WWOX: variants seen among roughly 807,000 people sequenced by gnomAD.
WWOX encodes the protein WW domain-containing oxidoreductase.
Under a neutral mutation model 46.2 loss-of-function variants are expected in WWOX, and 69 were observed. The observed-to-expected ratio is 1.49, with a 90% CI of 1.23 to 1.82. WWOX has a LOEUF of 1.82. Ranked by LOEUF, WWOX falls within the 40% of genes most tolerant of loss-of-function variation. The pLI, the probability that WWOX is intolerant of heterozygous loss-of-function variation, is 0.00. For synonymous variants in WWOX, 359 were observed against 202.6 expected (o/e 1.77, Z -6.56); for missense variants, 919 against 542.6 (o/e 1.69, Z -6.89).
At chr16:78,589,154 G>T (rs542900701) in intron 8 of WWOX, among the ~76,000 whole-genome samples, 5 of 152,288 alleles carry the variant, frequency 3.3e-5, no homozygotes, top group South Asian at 2.1e-4. Context: ...TAGTATTTCT[G>T]TTGGGATCCG....
At chr16:79,182,254 G>A (rs2050927105) in intron 8 of WWOX, among the ~76,000 whole-genome samples, 1 of 151,972 alleles carries the variant, frequency 6.6e-6, no homozygotes, top group African/African-American at 2.4e-5. Context: ...TCTTTGTACT[G>A]CACACTGTAG....
At chr16:78,871,988 C>T (rs561784519) in intron 8 of WWOX, among the ~76,000 whole-genome samples, 1 of 152,338 alleles carries the variant, frequency 6.6e-6, no homozygotes, top group South Asian at 2.1e-4. Flanking sequence ...CAGACCCTCT[C>T]AGATGCCACT....
At chr16:78,780,496 A>C (rs2050298400) in intron 8 of WWOX, 1 of 152,238 alleles carries the variant, frequency 6.6e-6, no homozygotes, top group African/African-American at 2.4e-5. Flanking sequence ...ATGCGGGGGA[A>C]GAAGACAATA....
intron 5 of WWOX, among the ~76,000 whole-genome samples, chr16:78,372,528 C>A (rs2081717096): frequency 6.6e-6 from 1 of 152,140 alleles, no homozygotes; most frequent in South Asian, 2.1e-4. Context: ...CATTCTTTAT[C>A]CAGGTCTGAA....
chr16:78,927,461 A>T (rs2151276674), intron 8 of WWOX, among the ~76,000 whole-genome samples: 1 of 152,266 alleles, frequency 6.6e-6, no homozygotes. Flanking sequence ...TGTGGGTAAA[A>T]GTTCTCTTTT....
In WWOX at chr16:78,165,121, G is replaced by C. The variant is rs531309799; in HGVS notation, c.516+832G>C. ...GGAGTGGGTAGGAGAGGTGCTGTTG[G>C]GGGATGGGTATCTGGTAGACTCTGA... On this transcript the variant is annotated intron_variant, in intron 5 of 8. Coordinates refer to ENST00000566780, the MANE Select transcript of WWOX (RefSeq NM_016373.4). Among the ~76,000 whole-genome samples the C allele has an allele frequency of 4.3e-4, 65 of 152,336 alleles. 1 individual carries two copies. The highest frequency in any genetic ancestry group is 3.4e-3 in the Middle Eastern group (1 of 294).
rs1490373810 is a variant in WWOX, at chr16:78,459,585, C to T, written c.1056+26833C>T. Among the ~76,000 whole-genome samples the T allele has an allele frequency of 5.9e-5, 9 of 152,276 alleles. No individual in the cohort carries two copies. The East Asian group carries it at 1.7e-3, about 29-fold the overall frequency. On this transcript the variant is annotated intron_variant, in intron 8 of 8. Coordinates refer to ENST00000566780, the MANE Select transcript of WWOX (RefSeq NM_016373.4). Reference sequence around the variant, plus strand: ...TATGGCTTAATTGTAAGCGATCAGGCATCAATGGCTTTTTATGAGGCAAAA... The same window carrying T: ...TATGGCTTAATTGTAAGCGATCAGGTATCAATGGCTTTTTATGAGGCAAAA...
chr16:78,234,901 TTTCTTCAC>T (rs145476068), intron 5 of WWOX, among the ~76,000 whole-genome samples: 2,117 of 152,074 alleles, frequency 0.014, 52 homozygotes, highest in African/African-American at 0.049. Context: ...GGAGATGCAG[TTTCTTCAC>T]TTTTCTTTTT....
At chr16:78,862,423 AAT>A (rs1430247628) in intron 8 of WWOX, among the ~76,000 whole-genome samples, 1 of 151,754 alleles carries the variant, frequency 6.6e-6, no homozygotes, top group East Asian at 1.9e-4. Context: ...ACTGTGTACT[AAT>A]ACAGTGTATA....
chr16:78,384,250 C>G (rs768834415), intron 5 of WWOX, among the ~76,000 whole-genome samples: 7 of 152,124 alleles, frequency 4.6e-5, no homozygotes, highest in Non-Finnish European at 1.0e-4. Context: ...GTGATACATT[C>G]ACATTTCTGT....
At chr16:79,151,988 C>T (rs888741238) in intron 8 of WWOX, among the ~76,000 whole-genome samples, 2 of 152,132 alleles carry the variant, frequency 1.3e-5, no homozygotes, top group Non-Finnish European at 2.9e-5. Context: ...GTCTCTGTTA[C>T]GAAGGGGGAA....
intron 8 of WWOX, among the ~76,000 whole-genome samples, chr16:78,777,186 C>G (rs1001221312): frequency 7.2e-5 from 11 of 151,900 alleles, no homozygotes; most frequent in African/African-American, 2.7e-4. Flanking sequence ...ATTTCAATGG[C>G]TGTATTTCAG....
At chr16:78,620,302 G>T (rs1018590710) in intron 8 of WWOX, among the ~76,000 whole-genome samples, 1 of 152,210 alleles carries the variant, frequency 6.6e-6, no homozygotes, top group African/African-American at 2.4e-5. Flanking sequence ...TTTCTGCTAA[G>T]AACCTGCTGA....
intron 8 of WWOX, among the ~76,000 whole-genome samples, chr16:79,192,482 T>A (rs2051156362): frequency 6.6e-6 from 1 of 152,206 alleles, no homozygotes; most frequent in Non-Finnish European, 1.5e-5. Context: ...TTTAGCCTCA[T>A]CTCGTTAGTG....
At chr16:78,781,675 T>G (rs539530881) in intron 8 of WWOX, among the ~76,000 whole-genome samples, 48 of 152,234 alleles carry the variant, frequency 3.2e-4, no homozygotes, top group African/African-American at 1.2e-3. Context: ...TAATCCTACC[T>G]GAAGCAAGAG....
intron 8 of WWOX, among the ~76,000 whole-genome samples, chr16:79,013,624 C>T (rs907511252): frequency 6.6e-6 from 1 of 152,108 alleles, no homozygotes; most frequent in Admixed American, 6.5e-5. Flanking sequence ...AGGTCCTGTG[C>T]TGCCTGGGTC....
At chr16:78,947,345 G>A (rs1401925397) in intron 8 of WWOX, among the ~76,000 whole-genome samples, 1 of 151,554 alleles carries the variant, frequency 6.6e-6, no homozygotes, top group Non-Finnish European at 1.5e-5. Context: ...CATTTTTTAA[G>A]CCCCTAGCTG....
intron 8 of WWOX, chr16:78,525,801 T>A (rs1246264281): frequency 6.7e-6 from 1 of 148,842 alleles, no homozygotes; most frequent in Non-Finnish European, 1.5e-5. Flanking sequence ...CAGGTTGTCA[T>A]GACTTGAGAC....
intron 8 of WWOX, among the ~76,000 whole-genome samples, chr16:79,070,235 A>G (rs922440951): frequency 6.6e-6 from 1 of 150,786 alleles, no homozygotes; most frequent in African/African-American, 2.4e-5. Context: ...AGAGAACATC[A>G]TGCTCCAGTT....
Sources: allele counts gnomAD v4.1 joint callset (sites outside exome capture counted in the v4.1 genomes callset), GRCh38; gene constraint gnomAD v4.1.1; transcripts MANE v1.5; gene names NCBI Gene and HGNC (gene_info 2026-07-23, HGNC 2026-07-21).